KCNIP4: variants seen among roughly 807,000 people sequenced by gnomAD.
The protein encoded by KCNIP4 is Kv channel-interacting protein 4.
A neutral mutation model predicts 34.0 loss-of-function variants in KCNIP4; 12 were observed. That is an observed-to-expected ratio of 0.35 (90% CI 0.23 to 0.57). The LOEUF is 0.57. Ranked by LOEUF, KCNIP4 falls within the 20% of genes least tolerant of loss-of-function variation. The probability of loss-of-function intolerance (pLI) is 0.83; values close to 1 mark genes in which losing one functional copy is unlikely to be tolerated. For synonymous variants in KCNIP4, 124 were observed against 102.2 expected (o/e 1.21, Z -1.29); for missense variants, 238 against 311.7 (o/e 0.76, Z 1.78).
At chr4:21,535,988 A>C (rs530709401) in intron 1 of KCNIP4, among the ~76,000 whole-genome samples, 1 of 152,184 alleles carries the variant, frequency 6.6e-6, no homozygotes, top group Admixed American at 6.5e-5. Context: ...TTGCAATCAC[A>C]AGACAGTGAC....
At chr4:21,424,598 A>G (rs933498629) in intron 1 of KCNIP4, among the ~76,000 whole-genome samples, 2 of 144,694 alleles carry the variant, frequency 1.4e-5, no homozygotes. Context: ...AAAGAAAGAA[A>G]GAGAGAAAAA....
intron 1 of KCNIP4, among the ~76,000 whole-genome samples, chr4:21,521,738 G>A (rs901424698): frequency 3.9e-5 from 6 of 152,022 alleles, no homozygotes; most frequent in African/African-American, 1.5e-4. Flanking sequence ...GCCTTCCTAA[G>A]TGCTCTCTCC....
At chr4:21,275,125 G>A (rs1262687083) in intron 1 of KCNIP4, among the ~76,000 whole-genome samples, 2 of 152,118 alleles carry the variant, frequency 1.3e-5, no homozygotes, top group Non-Finnish European at 2.9e-5. Flanking sequence ...CTGATTCATG[G>A]ATCTGCATAG....
At chr4:21,153,513 GTGTATATATA>G (rs1560769112) in intron 1 of KCNIP4, among the ~76,000 whole-genome samples, 2 of 61,492 alleles carry the variant, frequency 3.3e-5, no homozygotes, top group African/African-American at 1.3e-4. Flanking sequence ...ATATGTGTGT[GTGTATATATA>G]TATATATATA....
At chr4:21,630,875 T>C (rs1745718252) in intron 1 of KCNIP4, among the ~76,000 whole-genome samples, 1 of 152,202 alleles carries the variant, frequency 6.6e-6, no homozygotes, top group South Asian at 2.1e-4. Context: ...CATGTTTTGC[T>C]ACTCTCCTCA....
chr4:21,762,631 A>C (rs968650136), intron 1 of KCNIP4, among the ~76,000 whole-genome samples: 4 of 152,130 alleles, frequency 2.6e-5, no homozygotes, highest in Admixed American at 2.0e-4. Context: ...AACATAAAAC[A>C]AACCAGCAAG....
chr4:21,740,720 G>C (rs923615765), intron 1 of KCNIP4, among the ~76,000 whole-genome samples: 9 of 152,010 alleles, frequency 5.9e-5, no homozygotes, highest in Non-Finnish European at 1.0e-4. Context: ...CATTTATCTT[G>C]AGAATTAAAT....
chr4:20,900,542 C>T (rs1379461259), intron 1 of KCNIP4, among the ~76,000 whole-genome samples: 2 of 152,164 alleles, frequency 1.3e-5, no homozygotes, highest in Non-Finnish European at 2.9e-5. Flanking sequence ...TAAATCATGA[C>T]TTTTTCAAGA....
intron 1 of KCNIP4, among the ~76,000 whole-genome samples, chr4:21,268,809 T>A (rs1428798637): frequency 1.3e-5 from 2 of 152,186 alleles, no homozygotes; most frequent in Non-Finnish European, 2.9e-5. Flanking sequence ...CCTAGTCCAG[T>A]CCTGGCAACG....
chr4:21,863,120 T>C (rs1440651727), intron 1 of KCNIP4, among the ~76,000 whole-genome samples: 1 of 152,114 alleles, frequency 6.6e-6, no homozygotes, highest in African/African-American at 2.4e-5. Context: ...TTTGCTGATG[T>C]GGCAAAAAAC....
At chr4:21,285,567 G>A (rs1763071677) in intron 1 of KCNIP4, among the ~76,000 whole-genome samples, 1 of 152,130 alleles carries the variant, frequency 6.6e-6, no homozygotes, top group Non-Finnish European at 1.5e-5. Context: ...GGTGGCTCAT[G>A]CCTGTAATCC....
intron 1 of KCNIP4, among the ~76,000 whole-genome samples, chr4:20,917,734 T>A (rs1258429010): frequency 6.6e-6 from 1 of 152,146 alleles, no homozygotes; most frequent in East Asian, 1.9e-4. Flanking sequence ...GGCTCATGCC[T>A]GTAATCCCAG....
intron 1 of KCNIP4, among the ~76,000 whole-genome samples, chr4:21,001,524 C>A (rs1462343602): frequency 3.3e-5 from 5 of 152,112 alleles, no homozygotes; most frequent in Non-Finnish European, 7.4e-5. Context: ...TTTGAAGTGG[C>A]CTACCTCCTC....
chr4:20,922,287 T>C (rs943649755), intron 1 of KCNIP4, among the ~76,000 whole-genome samples: 12 of 152,222 alleles, frequency 7.9e-5, no homozygotes, highest in African/African-American at 2.7e-4. Flanking sequence ...CCCTCACTAA[T>C]GTGAGTGGGC....
chr4:21,742,732 A>G (rs1716499630), intron 1 of KCNIP4, among the ~76,000 whole-genome samples: 1 of 152,174 alleles, frequency 6.6e-6, no homozygotes, highest in Non-Finnish European at 1.5e-5. Flanking sequence ...GGAGTTTCCA[A>G]ACCAGATGAG....
chr4:20,733,170 A>G (rs898311160), intron 6 of KCNIP4, among the ~76,000 whole-genome samples: 1 of 152,212 alleles, frequency 6.6e-6, no homozygotes, highest in African/African-American at 2.4e-5. Context: ...AATCAAATAT[A>G]CGGCACATCG....
chr4:21,588,949 T>C (rs142632208), intron 1 of KCNIP4, among the ~76,000 whole-genome samples: 18 of 151,416 alleles, frequency 1.2e-4, no homozygotes, highest in African/African-American at 4.1e-4. Context: ...TTTTCATCCA[T>C]TCAGAAGCAG....
intron 3 of KCNIP4, among the ~76,000 whole-genome samples, chr4:20,776,983 T>C (rs1022537273): frequency 3.2e-4 from 48 of 152,190 alleles, no homozygotes; most frequent in Non-Finnish European, 6.2e-4. Context: ...TGAAAGTGTG[T>C]GTGGCCTCCA....
chr4:21,075,107 A>G (rs1354107636), intron 1 of KCNIP4, among the ~76,000 whole-genome samples: 1 of 152,152 alleles, frequency 6.6e-6, no homozygotes, highest in Non-Finnish European at 1.5e-5. Context: ...AGAAGAATGT[A>G]TATTCTGTTG....
Sources: allele counts gnomAD v4.1 joint callset (sites outside exome capture counted in the v4.1 genomes callset), GRCh38; gene constraint gnomAD v4.1.1; transcripts MANE v1.5; gene names NCBI Gene and HGNC (gene_info 2026-07-23, HGNC 2026-07-21).